Variants in RIPK1 observed in about 807,000 individuals in gnomAD.
The protein encoded by RIPK1 is receptor interacting serine/threonine kinase 1, also known as receptor-interacting serine/threonine-protein kinase 1.
In RIPK1, 27 loss-of-function variants were observed where a neutral mutation model predicts 62.4. That is an observed-to-expected ratio of 0.43 (90% CI 0.32 to 0.60). The LOEUF (loss-of-function observed/expected upper bound fraction) is 0.60, where lower values mean the gene tolerates loss of function less well. RIPK1 is among the 20% of genes least tolerant of loss of function. The probability of loss-of-function intolerance (pLI) is 0.07; values close to 1 mark genes in which losing one functional copy is unlikely to be tolerated. For synonymous variants in RIPK1, 287 were observed against 303.2 expected, an observed-to-expected ratio of 0.95 and a Z score of 0.55; for missense variants, 735 against 831.0, an observed-to-expected ratio of 0.88 and a Z score of 1.42.
intron 7 of RIPK1, among the ~76,000 whole-genome samples, chr6:3,095,306 T>TA (rs1185368779): frequency 2.0e-5 from 3 of 152,132 alleles, no homozygotes; most frequent in East Asian, 3.9e-4. Flanking sequence ...GAAGCAGTGA[T>TA]AAAAAAAGAA....
At chr6:3,065,466 C>T (rs866359264), upstream of RIPK1, among the ~76,000 whole-genome samples, 3 of 151,182 alleles carry the variant, frequency 2.0e-5, no homozygotes, top group African/African-American at 7.3e-5. Flanking sequence ...GGGGCCTGGG[C>T]ATTAGACCAG....
intron 9 of RIPK1, among the ~76,000 whole-genome samples, chr6:3,107,812 T>C (rs1420885384): frequency 6.6e-6 from 1 of 152,044 alleles, no homozygotes; most frequent in Non-Finnish European, 1.5e-5. Flanking sequence ...CTCGTTCTGG[T>C]TCCTGGTTCT....
In RIPK1 at chr6:3,110,934, G is replaced by A. The variant is rs772218138; in HGVS notation, c.1708G>A (p.Ala570Thr). The part of the protein sequence containing the change: ...TNTNFKEEPA[A>T]KYQAIFDNTT... ...TACGAACTTCAAAGAAGAGCCAGCT[G>A]CTAAGTACCAAGCTATCTTTGGTAA... The change falls in exon 10 of 11, where the codon GCT becomes ACT. Residue 570 changes from alanine to threonine, a missense_variant. Ala to Thr is a moderately conservative substitution (Grantham distance 58). Transcript: ENST00000259808. The A allele has an allele frequency of 1.2e-6, 2 of 1,612,996 alleles. No homozygotes were observed. The highest frequency in any genetic ancestry group is 1.7e-6 in the Non-Finnish European group (2 of 1,179,582).
intron 1 of RIPK1, among the ~76,000 whole-genome samples, chr6:3,074,096 T>G (rs1328369176): frequency 6.6e-6 from 1 of 152,240 alleles, no homozygotes; most frequent in Non-Finnish European, 1.5e-5. Context: ...TGGGAGTACA[T>G]CTGCTGAGTA....
intron 7 of RIPK1, among the ~76,000 whole-genome samples, chr6:3,102,338 T>C (rs778757935): frequency 5.9e-5 from 9 of 152,198 alleles, no homozygotes; most frequent in Non-Finnish European, 1.2e-4. Context: ...TGGTATAAAG[T>C]GACCTTCAGG....
intron 9 of RIPK1, among the ~76,000 whole-genome samples, chr6:3,109,356 A>G (rs1435876939): frequency 2.0e-5 from 3 of 152,118 alleles, no homozygotes; most frequent in Non-Finnish European, 4.4e-5. Context: ...CAGGAGCATC[A>G]TGTCAGCAGA....
intron 1 of RIPK1, among the ~76,000 whole-genome samples, chr6:3,073,055 T>C (rs900592345): frequency 9.9e-5 from 15 of 152,070 alleles, no homozygotes; most frequent in African/African-American, 3.6e-4. Context: ...GGGCCAACCA[T>C]AGCTAGAGAC....
upstream of RIPK1, among the ~76,000 whole-genome samples, chr6:3,064,743 A>G (rs1485094769): frequency 1.3e-5 from 2 of 152,156 alleles, no homozygotes; most frequent in East Asian, 3.9e-4. Context: ...TAATCCCGTG[A>G]TGGACGTGGG....
At position 3,076,542 on chromosome 6, in the gene RIPK1, G is replaced by A. The variant is rs576063618; in HGVS notation, c.-60-222G>A. Among the ~76,000 whole-genome samples, 5 of 151,524 alleles carry A rather than the reference G, an allele frequency of 3.3e-5. No homozygotes were observed. In the East Asian group the frequency reaches 9.7e-4, roughly 30 times the overall value. On this transcript the variant is annotated intron_variant, in intron 1 of 10. Coordinates refer to ENST00000259808, the MANE Select transcript of RIPK1 (RefSeq NM_001354930.2). ...AATAATTAAAAAATCAGCTGGTCACGGTGGGGTGCACCTGTGGTCCCAGCT... is the reference window on the plus strand; with the variant it reads ...AATAATTAAAAAATCAGCTGGTCACAGTGGGGTGCACCTGTGGTCCCAGCT...
Position 3,104,214 on chromosome 6 carries a change from C to G in RIPK1, c.916-11C>G. The G allele has an allele frequency of 7.3e-7, 1 of 1,369,244 alleles. No individual in the cohort carries two copies. Among genetic ancestry groups the G allele is most frequent in the South Asian group, 1.2e-5 (1 of 83,416 alleles). The allele number at this position is 1,369,244 out of a possible 1,614,324, so 84.8% of individuals were successfully genotyped here. The stretch of plus-strand genomic sequence containing the variant: ...GTTCACTAAAGTGTGTATTTATGCT[C>G]TTAATTATAGAAAGAGTATTCAAAC... On this transcript the variant is annotated splice_polypyrimidine_tract_variant and intron_variant, in intron 7 of 10. Coordinates refer to ENST00000259808, the MANE Select transcript of RIPK1 (RefSeq NM_001354930.2).
chr6:3,079,389 G>C (rs1024671460), intron 3 of RIPK1, among the ~76,000 whole-genome samples: 1 of 152,106 alleles, frequency 6.6e-6, no homozygotes, highest in African/African-American at 2.4e-5. Context: ...ATGGTGTTTT[G>C]ATAGACATAC....
chr6:3,069,798 G>A (rs1049933355), intron 1 of RIPK1, among the ~76,000 whole-genome samples: 2 of 152,194 alleles, frequency 1.3e-5, no homozygotes, highest in Non-Finnish European at 2.9e-5. Flanking sequence ...ATCACCTGAG[G>A]TCAGGAGTTC....
intron 4 of RIPK1, 47 bp from the exon 5 acceptor site, chr6:3,083,038 C>T (rs1474167021): frequency 3.8e-6 from 6 of 1,575,510 alleles, no homozygotes; most frequent in East Asian, 4.5e-5. Flanking sequence ...ATCTGATTTG[C>T]TTACGGCCTT....
At chr6:3,097,181 C>T (rs1291326107) in intron 7 of RIPK1, among the ~76,000 whole-genome samples, 2 of 152,148 alleles carry the variant, frequency 1.3e-5, no homozygotes, top group East Asian at 1.9e-4. Context: ...TATATCTCAA[C>T]CTTTTAGTTT....
At chr6:3,078,636 G>A (rs186547011) in intron 3 of RIPK1, among the ~76,000 whole-genome samples, 14 of 152,346 alleles carry the variant, frequency 9.2e-5, no homozygotes, top group Non-Finnish European at 1.5e-5. Flanking sequence ...ATGACCGTGA[G>A]AGCAGATAGA....
At position 3,105,624 on chromosome 6, in the gene RIPK1, C is replaced by A; in HGVS notation, c.1149C>A (p.Asn383Lys). ...SLQSKLQDEA[N>K]YHLYGSRMDR... is the part of the protein sequence containing the mutation. ...AGAGTAAACTCCAAGACGAAGCCAACTACCATCTTTATGGCAGCCGCATGG... is the reference window on the plus strand; with the variant it reads ...AGAGTAAACTCCAAGACGAAGCCAAATACCATCTTTATGGCAGCCGCATGG... Residue 383 changes from asparagine (N) to lysine (K), a missense_variant, in exon 9 of 11, where the codon AAC (asparagine) becomes AAA (lysine). By Grantham distance (94) the Asn-to-Lys change is moderately conservative. Transcript: ENST00000259808. The surrounding 1 kb of genome is among the most constrained non-coding windows in gnomAD (Gnocchi z 4.5). 1 of 1,614,104 alleles carries A rather than the reference C, an allele frequency of 6.2e-7. No individual in the cohort carries two copies. The highest frequency in any genetic ancestry group is 8.5e-7 in the Non-Finnish European group (1 of 1,179,984).
chr6:3,069,604 G>T (rs751093999), intron 1 of RIPK1, among the ~76,000 whole-genome samples: 1 of 152,198 alleles, frequency 6.6e-6, no homozygotes, highest in Non-Finnish European at 1.5e-5. Flanking sequence ...ACTTACACTT[G>T]AAGAAGCCAA....
At chr6:3,111,589 ACC>A (rs1761160467) in intron 10 of RIPK1, among the ~76,000 whole-genome samples, 1 of 150,144 alleles carries the variant, frequency 6.7e-6, no homozygotes, top group African/African-American at 2.5e-5. Flanking sequence ...GGAACTACTC[ACC>A]TCTCTTATTG....
At chr6:3,089,544 A>G (rs779569984) in intron 6 of RIPK1, 37 bp from the exon 7 acceptor site, 1 of 980,900 alleles carries the variant, frequency 1.0e-6, no homozygotes, top group Non-Finnish European at 1.6e-6. Context: ...ATGTTAGAAA[A>G]TAATTAAGAA....
Sources: allele counts gnomAD v4.1 joint callset (sites outside exome capture counted in the v4.1 genomes callset), GRCh38; gene constraint gnomAD v4.1.1; non-coding constraint Gnocchi (gnomAD v3.1); transcripts MANE v1.5; gene names NCBI Gene and HGNC (gene_info 2026-07-23, HGNC 2026-07-21).